PTPRK: variants seen among roughly 807,000 people sequenced by gnomAD.
PTPRK encodes the protein receptor-type tyrosine-protein phosphatase kappa.
A neutral mutation model predicts 178.0 loss-of-function variants in PTPRK; 75 were observed. The observed-to-expected ratio is 0.42, with a 90% CI of 0.35 to 0.51. PTPRK has a LOEUF of 0.51. Ranked by LOEUF, PTPRK falls within the 20% of genes least tolerant of loss-of-function variation. The pLI, the probability that PTPRK is intolerant of heterozygous loss-of-function variation, is 0.02. For synonymous variants in PTPRK, 637 were observed against 620.6 expected, an observed-to-expected ratio of 1.03 and a Z score of -0.39; for missense variants, 1,441 against 1,797.8, an observed-to-expected ratio of 0.80 and a Z score of 3.59.
chr6:128,053,853 C>T (rs901714288), intron 13 of PTPRK, among the ~76,000 whole-genome samples: 2 of 151,962 alleles, frequency 1.3e-5, no homozygotes, highest in African/African-American at 4.8e-5. Flanking sequence ...TGCCCCACCC[C>T]AATGGTTGTG....
At chr6:128,122,141 G>A (rs1004967609) in intron 7 of PTPRK, among the ~76,000 whole-genome samples, 3 of 152,078 alleles carry the variant, frequency 2.0e-5, no homozygotes, top group African/African-American at 7.2e-5. Flanking sequence ...CTCGAGAAAT[G>A]TTACGTATGC....
At chr6:128,381,210 A>G (rs913420476) in intron 2 of PTPRK, among the ~76,000 whole-genome samples, 1 of 152,222 alleles carries the variant, frequency 6.6e-6, no homozygotes, top group Admixed American at 6.5e-5. Context: ...TTTAATTAGA[A>G]TGACCACAAA....
intron 15 of PTPRK, among the ~76,000 whole-genome samples, chr6:128,004,289 T>G (rs912790864): frequency 1.1e-4 from 17 of 151,830 alleles, no homozygotes; most frequent in Non-Finnish European, 1.9e-4. Context: ...AGAAACAAAG[T>G]TAGGCAATTT....
At chr6:128,195,496 C>T (rs1475142007) in intron 6 of PTPRK, among the ~76,000 whole-genome samples, 2 of 150,648 alleles carry the variant, frequency 1.3e-5, no homozygotes, top group East Asian at 1.9e-4. Flanking sequence ...ACTTTATTTA[C>T]CCTAAGTTAA....
intron 2 of PTPRK, among the ~76,000 whole-genome samples, chr6:128,358,256 T>C (rs1012541010): frequency 1.5e-4 from 23 of 152,194 alleles, no homozygotes; most frequent in Non-Finnish European, 2.8e-4. Context: ...GGAGAGGGCA[T>C]ATTCAGGCCA....
intron 6 of PTPRK, among the ~76,000 whole-genome samples, chr6:128,210,489 A>G (rs1807933526): frequency 6.6e-6 from 1 of 152,050 alleles, no homozygotes; most frequent in African/African-American, 2.4e-5. Context: ...AGCTGAAAGG[A>G]ATAAGAATGT....
At chr6:128,512,950 A>G (rs955684559) in intron 1 of PTPRK, among the ~76,000 whole-genome samples, 1 of 152,246 alleles carries the variant, frequency 6.6e-6, no homozygotes, top group South Asian at 2.1e-4. Context: ...TATTTCCTGT[A>G]TCAACATAAC....
At chr6:128,476,583 A>T (rs887123859) in intron 1 of PTPRK, among the ~76,000 whole-genome samples, 1 of 152,198 alleles carries the variant, frequency 6.6e-6, no homozygotes, top group African/African-American at 2.4e-5. Flanking sequence ...CTGGAGAATC[A>T]TAAAGTCATT....
At chr6:128,288,644 C>A (rs1201312259) in intron 3 of PTPRK, among the ~76,000 whole-genome samples, 1 of 151,988 alleles carries the variant, frequency 6.6e-6, no homozygotes, top group African/African-American at 2.4e-5. Flanking sequence ...GTAAGATACC[C>A]CTCAAATAAA....
At chr6:128,482,162 A>G (rs941364391) in intron 1 of PTPRK, among the ~76,000 whole-genome samples, 2 of 152,172 alleles carry the variant, frequency 1.3e-5, no homozygotes, top group African/African-American at 4.8e-5. Context: ...AATGAGACCT[A>G]GAACTGTGCT....
intron 1 of PTPRK, among the ~76,000 whole-genome samples, chr6:128,458,094 C>T (rs1249283713): frequency 2.0e-5 from 3 of 152,158 alleles, no homozygotes; most frequent in Non-Finnish European, 4.4e-5. Flanking sequence ...TGGGTCAACA[C>T]TATGGTCTCC....
At chr6:128,336,256 T>C (rs1217645215) in intron 2 of PTPRK, among the ~76,000 whole-genome samples, 1 of 152,150 alleles carries the variant, frequency 6.6e-6, no homozygotes, top group Non-Finnish European at 1.5e-5. Flanking sequence ...TGTACTTTAA[T>C]GTTTTCATAA....
At chr6:128,015,256 TA>T (rs963235619) in intron 13 of PTPRK, among the ~76,000 whole-genome samples, 8 of 151,844 alleles carry the variant, frequency 5.3e-5, no homozygotes, top group African/African-American at 1.9e-4. Context: ...TATATAATGG[TA>T]AAAAAAGTAA....
chr6:128,293,262 A>G (rs73596689), intron 3 of PTPRK, among the ~76,000 whole-genome samples: 4,149 of 152,116 alleles, frequency 0.027, 179 homozygotes, highest in African/African-American at 0.095. Context: ...GCGAAGTCCA[A>G]AATCAAGGCA....
chr6:128,254,216 A>G (rs1350218036), intron 3 of PTPRK, among the ~76,000 whole-genome samples: 1 of 152,154 alleles, frequency 6.6e-6, no homozygotes, highest in African/African-American at 2.4e-5. Flanking sequence ...ACGCCTGTGA[A>G]CTTTTATTTT....
intron 2 of PTPRK, among the ~76,000 whole-genome samples, chr6:128,340,336 T>C (rs1225813098): frequency 6.6e-6 from 1 of 152,174 alleles, no homozygotes; most frequent in African/African-American, 2.4e-5. Flanking sequence ...ACTTTCTCTG[T>C]TGATGAACAT....
chr6:128,070,432 G>C (rs561846461), intron 11 of PTPRK, among the ~76,000 whole-genome samples: 1 of 152,010 alleles, frequency 6.6e-6, no homozygotes, highest in Non-Finnish European at 1.5e-5. Flanking sequence ...AACCAAATCC[G>C]AGAGCACCTG....
At chr6:128,168,860 T>C (rs979176116) in intron 7 of PTPRK, among the ~76,000 whole-genome samples, 1 of 151,996 alleles carries the variant, frequency 6.6e-6, no homozygotes, top group Non-Finnish European at 1.5e-5. Context: ...AGTGGATAAA[T>C]GGATAAAGAA....
chr6:128,400,887 GCAGAA>G, intron 1 of PTPRK, among the ~76,000 whole-genome samples: 1 of 152,158 alleles, frequency 6.6e-6, no homozygotes, highest in East Asian at 1.9e-4. Context: ...ATGGCAGATG[GCAGAA>G]CAGAAAGAGG....
Sources: gnomAD v4.1 joint callset for allele counts (sites outside exome capture counted in the v4.1 genomes callset) on GRCh38, gnomAD v4.1.1 for gene constraint, MANE v1.5 for transcripts, NCBI Gene and HGNC (gene_info 2026-07-23, HGNC 2026-07-21) for gene names.